NCKAP5: variants seen among roughly 807,000 people sequenced by gnomAD.
NCKAP5 encodes nck-associated protein 5.
Under a neutral mutation model 167.0 loss-of-function variants are expected in NCKAP5, and 92 were observed. The ratio of observed to expected loss-of-function variants is 0.55; its 90% CI spans 0.47 to 0.66. The LOEUF (loss-of-function observed/expected upper bound fraction) is 0.66, where lower values mean the gene tolerates loss of function less well. Ranked by LOEUF, NCKAP5 falls within the 30% of genes least tolerant of loss-of-function variation. The pLI, the probability that NCKAP5 is intolerant of heterozygous loss-of-function variation, is 0.00. For synonymous variants in NCKAP5, 891 were observed against 877.4 expected (o/e 1.02, Z -0.27); for missense variants, 2,378 against 2,315.0 (o/e 1.03, Z -0.56).
At position 133,398,887 on chromosome 2, in the gene NCKAP5, C is replaced by A. The variant is rs190169411; in HGVS notation, c.70-95777G>T. 6.4e-3 allele frequency among the ~76,000 whole-genome samples: 974 copies of A among 152,204 alleles called. 7 individuals are homozygous for A. Among genetic ancestry groups the A allele is most frequent in the Middle Eastern group, 0.01 (3 of 294 alleles). On this transcript the variant is annotated intron_variant, in intron 3 of 19. Coordinates refer to ENST00000409261, the MANE Select transcript of NCKAP5 (RefSeq NM_207363.3). ...TTTAAACACTTGACTTAAACTTAGCCAATCACAGGCACCAGGAAACAGCCA... is the reference window on the plus strand; with the variant it reads ...TTTAAACACTTGACTTAAACTTAGCAAATCACAGGCACCAGGAAACAGCCA...
At chr2:133,184,274 T>C (rs755949267) in intron 5 of NCKAP5, among the ~76,000 whole-genome samples, 21 of 152,152 alleles carry the variant, frequency 1.4e-4, no homozygotes, top group Non-Finnish European at 3.1e-4. Context: ...GCTCCATCCA[T>C]GTTGCTTCAA....
chr2:133,262,785 G>T (rs779126019), intron 4 of NCKAP5, among the ~76,000 whole-genome samples: 6 of 152,184 alleles, frequency 3.9e-5, no homozygotes, highest in Non-Finnish European at 7.4e-5. Context: ...AGCTAAGTAT[G>T]AAATGGCACA....
chr2:132,727,293 T>A (rs191925723), intron 18 of NCKAP5, among the ~76,000 whole-genome samples: 1 of 152,362 alleles, frequency 6.6e-6, no homozygotes, highest in East Asian at 1.9e-4. Flanking sequence ...CTGAACTGGT[T>A]TTCTGCTCTC....
intron 6 of NCKAP5, among the ~76,000 whole-genome samples, chr2:133,045,649 A>G (rs2079374520): frequency 6.6e-6 from 1 of 152,164 alleles, no homozygotes; most frequent in Admixed American, 6.6e-5. Context: ...TTTTCTACAT[A>G]CACTTATTTT....
chr2:132,743,074 GCA>G (rs3043669), intron 16 of NCKAP5, among the ~76,000 whole-genome samples: 94,590 of 150,742 alleles, frequency 0.63, 31,329 homozygotes, highest in East Asian at 0.85. Context: ...ATGTGCACAT[GCA>G]CACACACACA....
At chr2:133,322,329 C>T (rs1433036726) in intron 3 of NCKAP5, among the ~76,000 whole-genome samples, 2 of 152,140 alleles carry the variant, frequency 1.3e-5, no homozygotes, top group Non-Finnish European at 2.9e-5. Context: ...AGACATTTTA[C>T]AGCAAAAAGG....
In NCKAP5 at chr2:132,672,208, G is replaced by A. The variant is rs765359172; in HGVS notation, c.*1081C>T. On this transcript the variant is annotated 3_prime_UTR_variant, in exon 20 of 20. Coordinates refer to ENST00000409261, the MANE Select transcript of NCKAP5 (RefSeq NM_207363.3). ...AAATAGAAATTTGTTTTCATTTTTAGAGTGCCCAGATTTTAATAAAAAGAG... is the reference window on the plus strand; with the variant it reads ...AAATAGAAATTTGTTTTCATTTTTAAAGTGCCCAGATTTTAATAAAAAGAG... 6.6e-6 allele frequency: 1 copy of A among 152,496 alleles called. No homozygotes were observed. The highest frequency in any genetic ancestry group is 1.5e-5 in the Non-Finnish European group (1 of 68,008). 9.4% of individuals were successfully genotyped at this position (152,496 alleles called of 1,614,324 possible).
the NCKAP5 span, among the ~76,000 whole-genome samples, chr2:133,601,748 T>A: frequency 5.3e-5 from 8 of 151,826 alleles, no homozygotes; most frequent in Non-Finnish European, 7.4e-5. Flanking sequence ...AAATAAATAA[T>A]AAATAAATAA....
At chr2:133,481,958 A>T (rs548215251) in intron 3 of NCKAP5, among the ~76,000 whole-genome samples, 14 of 152,064 alleles carry the variant, frequency 9.2e-5, no homozygotes, top group Admixed American at 2.6e-4. Context: ...GTACACTTTA[A>T]CCCACTTCTC....
intron 5 of NCKAP5, among the ~76,000 whole-genome samples, chr2:133,182,992 T>C (rs1473383973): frequency 2.0e-5 from 3 of 152,096 alleles, no homozygotes; most frequent in African/African-American, 4.8e-5. Flanking sequence ...ACTGCATACA[T>C]AAATTTGACA....
At chr2:133,136,476 C>T (rs2082790642) in intron 5 of NCKAP5, among the ~76,000 whole-genome samples, 1 of 152,152 alleles carries the variant, frequency 6.6e-6, no homozygotes. Context: ...GTGAGTCCTG[C>T]CTCGTTGAGT....
chr2:133,509,962 C>A (rs890577550), intron 3 of NCKAP5, among the ~76,000 whole-genome samples: 2 of 152,144 alleles, frequency 1.3e-5, no homozygotes, highest in African/African-American at 4.8e-5. Flanking sequence ...AGCCTGCCTT[C>A]TTTTCAGAGA....
the NCKAP5 span, among the ~76,000 whole-genome samples, chr2:133,588,277 C>A: frequency 8.5e-6 from 1 of 118,182 alleles, no homozygotes; most frequent in African/African-American, 3.5e-5. Flanking sequence ...CTCCCTCCCT[C>A]CCTCTCTCCC....
chr2:133,354,091 C>G (rs896389104), intron 3 of NCKAP5, among the ~76,000 whole-genome samples: 1 of 152,234 alleles, frequency 6.6e-6, no homozygotes, highest in Non-Finnish European at 1.5e-5. Context: ...TGTTTCCCCT[C>G]CCCTCAGGGG....
intron 11 of NCKAP5, among the ~76,000 whole-genome samples, chr2:132,845,513 T>C (rs1291844154): frequency 6.6e-6 from 1 of 152,200 alleles, no homozygotes; most frequent in African/African-American, 2.4e-5. Flanking sequence ...AAATGAATTA[T>C]CAAATGCACC....
intron 3 of NCKAP5, among the ~76,000 whole-genome samples, chr2:133,375,998 T>A (rs1056275260): frequency 7.9e-5 from 12 of 152,114 alleles, no homozygotes; most frequent in African/African-American, 2.9e-4. Flanking sequence ...GTCAAGGAAG[T>A]CAGCTCCTGC....
chr2:133,231,094 G>A (rs779597562), intron 4 of NCKAP5, among the ~76,000 whole-genome samples: 8 of 152,134 alleles, frequency 5.3e-5, no homozygotes, highest in Admixed American at 2.0e-4. Context: ...ACTACTACAC[G>A]AAGGTCTTCG....
chr2:133,193,158 A>G (rs554741002), intron 5 of NCKAP5, among the ~76,000 whole-genome samples: 16 of 152,240 alleles, frequency 1.1e-4, no homozygotes, highest in Middle Eastern at 3.4e-3. Flanking sequence ...AAAAGATTAT[A>G]TACTACATGA....
intron 4 of NCKAP5, among the ~76,000 whole-genome samples, chr2:133,269,380 A>G (rs1485064273): frequency 6.6e-6 from 1 of 152,210 alleles, no homozygotes; most frequent in Non-Finnish European, 1.5e-5. Context: ...GTGGTGCACA[A>G]GTTTAAATAC....
Sources: allele counts gnomAD v4.1 joint callset (sites outside exome capture counted in the v4.1 genomes callset), GRCh38; gene constraint gnomAD v4.1.1; transcripts MANE v1.5; gene names NCBI Gene and HGNC (gene_info 2026-07-23, HGNC 2026-07-21).